The following SV2C variants were observed in gnomAD, a reference collection of about 807,000 sequenced individuals.
SV2C encodes solute carrier family 22 member B3.
Under a neutral mutation model 79.7 loss-of-function variants are expected in SV2C, and 49 were observed. The ratio of observed to expected loss-of-function variants is 0.61; its 90% CI spans 0.49 to 0.78. The LOEUF is 0.78. Among genes scored for constraint, SV2C ranks in the 30% least tolerant of loss-of-function variants. The pLI is 0.00. For synonymous variants in SV2C, 334 were observed against 333.2 expected, an observed-to-expected ratio of 1.00 and a Z score of -0.03; for missense variants, 833 against 912.9, an observed-to-expected ratio of 0.91 and a Z score of 1.13.
intron 4 of SV2C, among the ~76,000 whole-genome samples, chr5:76,254,275 T>C (rs965471478): frequency 1.4e-5 from 2 of 146,960 alleles, no homozygotes; most frequent in South Asian, 2.1e-4. Flanking sequence ...GAGAGAGAGA[T>C]ATTAAAAATT....
chr5:75,918,496 C>A, the SV2C span, among the ~76,000 whole-genome samples: 1 of 152,164 alleles, frequency 6.6e-6, no homozygotes, highest in Non-Finnish European at 1.5e-5. Context: ...GGAAAAAGCT[C>A]CAAGTTTAGA....
chr5:76,174,225 C>CGCT lies in SV2C; in HGVS notation c.581-20692_581-20690dup. 4 of 1,589,886 alleles carry CGCT rather than the reference C, an allele frequency of 2.5e-6. No individual in the cohort carries two copies. In the South Asian group the frequency reaches 4.4e-5, roughly 18 times the overall value. On this transcript the variant is annotated intron_variant, in intron 2 of 12. Coordinates refer to ENST00000502798, the MANE Select transcript of SV2C (RefSeq NM_014979.4). ...AACCTAGTACTCTGCGAACCTCTCA[C>CGCT]GCTGTCACCGGGTCTCTGCAGCCAG... is the stretch of plus-strand genomic sequence containing the variant.
intron 1 of SV2C, among the ~76,000 whole-genome samples, chr5:76,087,959 T>C (rs1476877527): frequency 6.6e-6 from 1 of 152,210 alleles, no homozygotes; most frequent in Non-Finnish European, 1.5e-5. Context: ...AGAAGGAACA[T>C]TGTAATGACA....
At chr5:76,228,394 A>T (rs745761863) in intron 4 of SV2C, among the ~76,000 whole-genome samples, 2 of 152,198 alleles carry the variant, frequency 1.3e-5, no homozygotes, top group Non-Finnish European at 2.9e-5. Flanking sequence ...GAGGAATCAC[A>T]CAGTGGAGAG....
At chr5:76,189,408 C>A (rs985271401) in intron 2 of SV2C, among the ~76,000 whole-genome samples, 2 of 152,070 alleles carry the variant, frequency 1.3e-5, no homozygotes, top group Admixed American at 1.3e-4. Context: ...AACCAATTTG[C>A]AGTGACTATT....
chr5:75,943,801 T>C, the SV2C span, among the ~76,000 whole-genome samples: 1 of 152,170 alleles, frequency 6.6e-6, no homozygotes, highest in East Asian at 1.9e-4. Flanking sequence ...GTGCCAGGAC[T>C]CTACTGATAT....
chr5:76,158,952 G>T (rs1742819515), intron 2 of SV2C, among the ~76,000 whole-genome samples: 1 of 151,962 alleles, frequency 6.6e-6, no homozygotes, highest in African/African-American at 2.4e-5. Flanking sequence ...ACACCAGGGT[G>T]GGATTTATCT....
At chr5:76,285,017 A>C in intron 4 of SV2C, 145 bp from the exon 5 acceptor site, 7 of 1,211,904 alleles carry the variant, frequency 5.8e-6, no homozygotes, top group Non-Finnish European at 6.9e-6. Flanking sequence ...TGAGCTGGCC[A>C]CCATGGATGA....
intron 1 of SV2C, among the ~76,000 whole-genome samples, chr5:76,108,400 T>C (rs907216642): frequency 5.3e-5 from 8 of 152,082 alleles, no homozygotes; most frequent in Non-Finnish European, 8.8e-5. Flanking sequence ...GATAAAAGAA[T>C]TTGGAAGAGT....
At chr5:75,898,964 T>TC in the SV2C span, among the ~76,000 whole-genome samples, 1 of 152,236 alleles carries the variant, frequency 6.6e-6, no homozygotes, top group Non-Finnish European at 1.5e-5. Context: ...TTTCTTTTTT[T>TC]CTTTATTAGT....
the SV2C span, among the ~76,000 whole-genome samples, chr5:75,904,199 G>A: frequency 3.3e-5 from 5 of 152,042 alleles, no homozygotes; most frequent in Admixed American, 2.6e-4. Flanking sequence ...CCTGATTCAG[G>A]TGATTAAAGT....
At chr5:76,321,910 C>T (rs1330011872) in intron 12 of SV2C, among the ~76,000 whole-genome samples, 1 of 152,080 alleles carries the variant, frequency 6.6e-6, no homozygotes, top group Admixed American at 6.6e-5. Flanking sequence ...TTCCTAGGCC[C>T]ACAATTGATT....
chr5:75,974,246 C>T, the SV2C span, among the ~76,000 whole-genome samples: 1 of 151,940 alleles, frequency 6.6e-6, no homozygotes, highest in Non-Finnish European at 1.5e-5. Flanking sequence ...ACTTTATTTG[C>T]TAATATTTTA....
At chr5:76,111,196 A>T (rs1748085250) in intron 1 of SV2C, among the ~76,000 whole-genome samples, 1 of 152,112 alleles carries the variant, frequency 6.6e-6, no homozygotes, top group Admixed American at 6.6e-5. Context: ...GTGGGGACGG[A>T]TTCTAAAAGA....
the SV2C span, among the ~76,000 whole-genome samples, chr5:75,999,074 C>G: frequency 6.6e-6 from 1 of 151,930 alleles, no homozygotes; most frequent in Non-Finnish European, 1.5e-5. Context: ...AATTAGAGAA[C>G]GTGTGCAAGG....
intron 4 of SV2C, among the ~76,000 whole-genome samples, chr5:76,282,807 C>T (rs1212841197): frequency 2.6e-5 from 4 of 152,036 alleles, no homozygotes; most frequent in African/African-American, 9.7e-5. Flanking sequence ...GTCAGGAGTT[C>T]GAGACCAGTC....
At chr5:76,207,559 C>T (rs1475871460) in intron 3 of SV2C, among the ~76,000 whole-genome samples, 1 of 152,194 alleles carries the variant, frequency 6.6e-6, no homozygotes, top group Non-Finnish European at 1.5e-5. Context: ...TACCAATAAG[C>T]ATCACACATT....
intron 1 of SV2C, among the ~76,000 whole-genome samples, chr5:76,111,251 A>C (rs546831954): frequency 2.4e-4 from 37 of 152,126 alleles, no homozygotes; most frequent in African/African-American, 6.5e-4. Context: ...CTGCTCTGGG[A>C]GTTATTTTTT....
chr5:76,093,296 T>C (rs1747439356), intron 1 of SV2C, among the ~76,000 whole-genome samples: 1 of 152,168 alleles, frequency 6.6e-6, no homozygotes, highest in Non-Finnish European at 1.5e-5. Context: ...TGAATTCCAT[T>C]GTTCCCTGCG....
Sources: allele counts gnomAD v4.1 joint callset (sites outside exome capture counted in the v4.1 genomes callset), GRCh38; gene constraint gnomAD v4.1.1; transcripts MANE v1.5; gene names NCBI Gene and HGNC (gene_info 2026-07-23, HGNC 2026-07-21).